The following BPIFB3 variants were observed in gnomAD, a reference collection of about 807,000 sequenced individuals.
BPIFB3 encodes the protein BPI fold containing family B member 3.
In BPIFB3, 49 loss-of-function variants were observed where a neutral mutation model predicts 53.1. The observed-to-expected ratio is 0.92, with a 90% CI of 0.73 to 1.17. The LOEUF (loss-of-function observed/expected upper bound fraction) is 1.17. Ranked by LOEUF, BPIFB3 falls within the 50% of genes most tolerant of loss-of-function variation. The pLI is 0.00. For synonymous variants in BPIFB3, 271 were observed against 269.6 expected (o/e 1.01, Z -0.05); for missense variants, 628 against 592.5 (o/e 1.06, Z -0.62).
intron 5 of BPIFB3, among the ~76,000 whole-genome samples, chr20:33,062,903 A>G (rs1980514840): frequency 6.6e-6 from 1 of 152,072 alleles, no homozygotes; most frequent in Non-Finnish European, 1.5e-5. Context: ...TGGGGCCCCC[A>G]CTTGACATGT....
chr20:33,054,432 G>A (rs539261318), upstream of BPIFB3, among the ~76,000 whole-genome samples: 3 of 152,280 alleles, frequency 2.0e-5, no homozygotes, highest in South Asian at 2.1e-4. Context: ...AATATTCTGC[G>A]TGATGTTTAG....
chr20:33,064,719 C>A, exon 8 of BPIFB3: 1 of 1,614,128 alleles, frequency 6.2e-7, no homozygotes, highest in Non-Finnish European at 8.5e-7. Context: ...AGTCCCGTGC[C>A]CCAGCCAAGG....
chr20:33,064,831 A>G, exon 8 of BPIFB3: 1 of 1,612,828 alleles, frequency 6.2e-7, no homozygotes, highest in South Asian at 1.1e-5. Context: ...CGACATGGAC[A>G]TCACCCCTGA....
At chr20:33,073,737 C>A (rs1980995801), downstream of BPIFB3, 15 of 1,081,836 alleles carry the variant, frequency 1.4e-5, no homozygotes, top group Admixed American at 4.1e-5. Flanking sequence ...AAGCACTACT[C>A]CAAGTTTGGG....
At chr20:33,063,332 C>T (rs1443672409) in intron 5 of BPIFB3, among the ~76,000 whole-genome samples, 1 of 152,140 alleles carries the variant, frequency 6.6e-6, no homozygotes, top group Non-Finnish European at 1.5e-5. Flanking sequence ...CAAACCAGCC[C>T]CTGAAATGTG....
intron 10 of BPIFB3, 87 bp downstream of exon 11, chr20:33,069,060 C>T (rs1980781960): frequency 6.9e-7 from 1 of 1,443,970 alleles, no homozygotes; most frequent in African/African-American, 1.4e-5. Context: ...TACCGTCCCC[C>T]TGATTTCAGG....
At chr20:33,071,948 C>T (rs922871079) in intron 12 of BPIFB3, among the ~76,000 whole-genome samples, 156 bp from the exon 14 acceptor site, 23 of 152,158 alleles carry the variant, frequency 1.5e-4, no homozygotes, top group Non-Finnish European at 2.6e-4. Context: ...CAGGCCACCC[C>T]CAAGTGCCCA....
exon 10 of BPIFB3, chr20:33,068,878 C>T: frequency 1.2e-6 from 2 of 1,613,930 alleles, no homozygotes; most frequent in Non-Finnish European, 8.5e-7. Flanking sequence ...GGTCACACTC[C>T]ACAACAAGAA....
chr20:33,066,901 T>C, intron 9 of BPIFB3, 24 bp downstream of exon 10: 2 of 1,611,358 alleles, frequency 1.2e-6, no homozygotes, highest in Non-Finnish European at 1.7e-6. Context: ...TCATGGGTTT[T>C]GATCATTGTA....
intron 1 of BPIFB3, 87 bp downstream of exon 2, chr20:33,055,634 G>C: frequency 3.2e-6 from 5 of 1,572,756 alleles, no homozygotes; most frequent in Non-Finnish European, 4.3e-6. Context: ...TTTAAGAGCA[G>C]ATAAGAGCAG....
downstream of BPIFB3, chr20:33,073,731 A>T: frequency 3.5e-6 from 4 of 1,145,954 alleles, no homozygotes; most frequent in South Asian, 5.8e-5. Context: ...GCCCTGAAGC[A>T]CTACTCCAAG....
At chr20:33,064,436 C>T (rs773510446) in intron 6 of BPIFB3, 21 bp from the exon 8 acceptor site, 20 of 1,602,248 alleles carry the variant, frequency 1.2e-5, no homozygotes, top group South Asian at 6.6e-5. Context: ...GGGTCGTTCT[C>T]GCCCCCACTT....
exon 12 of BPIFB3, chr20:33,071,285 A>G (rs1364919305): frequency 2.6e-6 from 4 of 1,564,242 alleles, no homozygotes; most frequent in African/African-American, 1.4e-5. Flanking sequence ...TCCTTTACCC[A>G]TGCCTTTGAC....
chr20:33,055,568 C>CTG, intron 1 of BPIFB3, 21 bp downstream of exon 2: 1 of 1,613,078 alleles, frequency 6.2e-7, no homozygotes, highest in African/African-American at 1.3e-5. Context: ...GGTGGGCAGT[C>CTG]TGTGAGGGGG....
intron 5 of BPIFB3, 139 bp downstream of exon 6, chr20:33,061,970 C>A: frequency 2.0e-6 from 2 of 1,015,888 alleles, no homozygotes; most frequent in Non-Finnish European, 2.9e-6. Context: ...CCCATCCGGG[C>A]CTGCTGACCG....
In BPIFB3 at chr20:33,064,776, C is replaced by G; in HGVS notation, c.855C>G (p.Tyr285Ter). The G allele has an allele frequency of 1.9e-6, 3 of 1,614,124 alleles. No homozygotes were observed. The highest frequency in any genetic ancestry group is 2.5e-6 in the Non-Finnish European group (3 of 1,180,030). ...CATCCCAGGTGATGGTGCCACTGTA[C>G]CTCTTCAACACCACGTTTGGACTCC... Residue 285 changes from tyrosine to a stop codon, truncating the protein, a stop_gained, in exon 8 of 15, where the codon TAC becomes TAG. Coordinates refer to ENST00000375494, the Ensembl canonical transcript of BPIFB3. LOFTEE classifies it high-confidence loss of function.
At chr20:33,064,056 C>G (rs1980562194) in intron 6 of BPIFB3, among the ~76,000 whole-genome samples, 2 of 152,246 alleles carry the variant, frequency 1.3e-5, no homozygotes, top group Admixed American at 1.3e-4. Context: ...AGACCCCAGT[C>G]TCTCTGTGCC....
chr20:33,055,462 G>A, exon 1 of BPIFB3: 6 of 1,613,746 alleles, frequency 3.7e-6, no homozygotes, highest in Non-Finnish European at 5.1e-6. Flanking sequence ...CCCTGCTTCT[G>A]CTCTGGGGCC....
At chr20:33,056,108 G>T (rs1248101314) in intron 1 of BPIFB3, among the ~76,000 whole-genome samples, 12 of 152,160 alleles carry the variant, frequency 7.9e-5, no homozygotes, top group Non-Finnish European at 8.8e-5. Context: ...CAACTTGATT[G>T]AGCCCTGGTG....
Sources: gnomAD v4.1 joint callset for allele counts (sites outside exome capture counted in the v4.1 genomes callset) on GRCh38, gnomAD v4.1.1 for gene constraint, MANE v1.5 for transcripts, NCBI Gene and HGNC (gene_info 2026-07-23, HGNC 2026-07-21) for gene names.